The following TPST1 variants were observed in gnomAD, a reference collection of about 807,000 sequenced individuals.
TPST1 encodes protein-tyrosine sulfotransferase 1.
Under a neutral mutation model 34.8 loss-of-function variants are expected in TPST1, and 20 were observed. That is an observed-to-expected ratio of 0.57 (90% confidence interval 0.40 to 0.84). The LOEUF (loss-of-function observed/expected upper bound fraction) is 0.84. TPST1 is among the 40% of genes least tolerant of loss of function. The probability of loss-of-function intolerance (pLI) is 0.00; values close to 1 mark genes in which losing one functional copy is unlikely to be tolerated. For missense variants in TPST1, 353 were observed against 455.5 expected, an observed-to-expected ratio of 0.78 and a Z score of 2.05; for synonymous variants, 152 against 159.4, an observed-to-expected ratio of 0.95 and a Z score of 0.35.
intron 2 of TPST1, among the ~76,000 whole-genome samples, chr7:66,278,587 A>G (rs1790868136): frequency 6.6e-6 from 1 of 152,148 alleles, no homozygotes; most frequent in Non-Finnish European, 1.5e-5. Flanking sequence ...GATTGAGACC[A>G]TCCTAGCTAA....
intron 2 of TPST1, among the ~76,000 whole-genome samples, chr7:66,271,607 G>A (rs1790706796): frequency 6.6e-6 from 1 of 152,114 alleles, no homozygotes; most frequent in African/African-American, 2.4e-5. Context: ...CTGCATATAA[G>A]TGAGATCATA....
At chr7:66,319,494 T>A (rs1318447837) in intron 3 of TPST1, among the ~76,000 whole-genome samples, 2 of 152,250 alleles carry the variant, frequency 1.3e-5, no homozygotes, top group South Asian at 2.1e-4. Flanking sequence ...GTCTTCATTG[T>A]CAGCCTGCTG....
chr7:66,360,115 G>A lies in TPST1; in HGVS notation c.*250G>A. 2.9e-6 allele frequency: 1 copy of A among 345,630 alleles called. No individual in the cohort carries two copies. Among genetic ancestry groups the A allele is most frequent in the South Asian group, 2.2e-5 (1 of 44,922 alleles). 21.4% of individuals were successfully genotyped at this position (345,630 alleles called of 1,614,324 possible). A position where few individuals can be genotyped will look rare whatever the true frequency, so the allele number is the denominator to read the frequency against. ...ATTTCATGCACAGCCCTGCAGTAAG[G>A]AGCCCAGAAGGAACATGTGTTTCCT... On this transcript the variant is annotated 3_prime_UTR_variant, in exon 6 of 6. Coordinates refer to ENST00000304842, the MANE Select transcript of TPST1 (RefSeq NM_003596.4).
intron 1 of TPST1, among the ~76,000 whole-genome samples, chr7:66,224,102 C>T (rs1789600760): frequency 6.6e-6 from 1 of 152,100 alleles, no homozygotes; most frequent in South Asian, 2.1e-4. Flanking sequence ...CTGGTGCCAG[C>T]CCCTAACGTG....
chr7:66,342,664 G>A (rs1792261529), intron 3 of TPST1, among the ~76,000 whole-genome samples: 1 of 152,082 alleles, frequency 6.6e-6, no homozygotes, highest in African/African-American at 2.4e-5. Context: ...TTCCCTTATG[G>A]TGGAACACAA....
chr7:66,248,644 C>T (rs530655159), intron 2 of TPST1, among the ~76,000 whole-genome samples: 4 of 151,464 alleles, frequency 2.6e-5, no homozygotes, highest in Non-Finnish European at 5.9e-5. Flanking sequence ...GCTGGGATTG[C>T]AGGTGCGTGC....
chr7:66,328,904 A>ATTTT lies in TPST1; in HGVS notation c.1045-23600_1045-23599insTTTT, dbSNP rs1350334573. ...TCTCTCTCTATATATATATATATAT[A>ATTTT]TATTTTTTTTTTTTTTTTTTTTTTT... On this transcript the variant is annotated intron_variant, in intron 3 of 5. Transcript: ENST00000304842. 4.1e-3 allele frequency among the ~76,000 whole-genome samples: 107 copies of ATTTT among 25,984 alleles called. 2 individuals carry two copies. Among genetic ancestry groups the ATTTT allele is most frequent in the East Asian group, 5.2e-3 (5 of 966 alleles). The allele number at this position is 25,984 out of a possible 152,430, so 17.0% of individuals were successfully genotyped here.
intron 1 of TPST1, among the ~76,000 whole-genome samples, chr7:66,233,571 T>A (rs984393403): frequency 6.6e-6 from 1 of 152,236 alleles, no homozygotes; most frequent in African/African-American, 2.4e-5. Context: ...TTTATGCCAG[T>A]ACTACATTGT....
intron 3 of TPST1, among the ~76,000 whole-genome samples, chr7:66,327,135 A>T (rs1284191175): frequency 6.6e-6 from 1 of 152,202 alleles, no homozygotes; most frequent in East Asian, 1.9e-4. Flanking sequence ...ATGTGAAACT[A>T]TCAAGTCATA....
intron 3 of TPST1, among the ~76,000 whole-genome samples, chr7:66,302,572 A>G (rs1791340155): frequency 6.6e-6 from 1 of 152,172 alleles, no homozygotes; most frequent in South Asian, 2.1e-4. Flanking sequence ...TCTCACTAAA[A>G]GTTTGGCTTG....
intron 3 of TPST1, among the ~76,000 whole-genome samples, chr7:66,335,643 T>C (rs1024963040): frequency 6.6e-6 from 1 of 152,090 alleles, no homozygotes; most frequent in Non-Finnish European, 1.5e-5. Context: ...TGCAGTGTTT[T>C]GAACGGCAGG....
intron 1 of TPST1, among the ~76,000 whole-genome samples, chr7:66,226,994 T>G (rs1437136705): frequency 1.3e-5 from 2 of 150,418 alleles, no homozygotes; most frequent in Non-Finnish European, 3.0e-5. Context: ...CGGAGAAATT[T>G]AACACAGTTT....
intron 4 of TPST1, among the ~76,000 whole-genome samples, chr7:66,353,824 C>T: frequency 6.6e-6 from 1 of 152,206 alleles, no homozygotes; most frequent in Admixed American, 6.5e-5. Context: ...AACAGCACCT[C>T]AGAGACTTGT....
At chr7:66,270,184 C>A (rs753115213) in intron 2 of TPST1, among the ~76,000 whole-genome samples, 4 of 152,098 alleles carry the variant, frequency 2.6e-5, no homozygotes, top group Non-Finnish European at 4.4e-5. Flanking sequence ...CAAGAGACCA[C>A]GCCTGGCCTA....
chr7:66,255,807 G>T (rs1790371694), intron 2 of TPST1, among the ~76,000 whole-genome samples: 1 of 151,938 alleles, frequency 6.6e-6, no homozygotes, highest in Non-Finnish European at 1.5e-5. Context: ...GTACTTAGTG[G>T]TCATTGTACT....
chr7:66,211,350 C>T (rs1458909603), intron 1 of TPST1, among the ~76,000 whole-genome samples: 5 of 152,118 alleles, frequency 3.3e-5, no homozygotes, highest in East Asian at 1.9e-4. Context: ...AGGCTGGTCT[C>T]GAACTCCTGA....
chr7:66,219,216 C>T (rs1789490056), intron 1 of TPST1, among the ~76,000 whole-genome samples: 1 of 151,978 alleles, frequency 6.6e-6, no homozygotes, highest in Admixed American at 6.6e-5. Flanking sequence ...GGTTTCTGAT[C>T]AAATATTTGA....
intron 2 of TPST1, among the ~76,000 whole-genome samples, chr7:66,247,976 G>T (rs1402374881): frequency 2.6e-5 from 4 of 152,144 alleles, no homozygotes; most frequent in African/African-American, 9.7e-5. Context: ...CATGGTGTTT[G>T]TTTCCCATAG....
intron 3 of TPST1, among the ~76,000 whole-genome samples, chr7:66,345,880 T>C (rs1323025908): frequency 1.3e-5 from 2 of 152,178 alleles, no homozygotes; most frequent in Non-Finnish European, 2.9e-5. Flanking sequence ...AATTATTGAC[T>C]GTAGTCGCCG....
Sources: allele counts gnomAD v4.1 joint callset (sites outside exome capture counted in the v4.1 genomes callset), GRCh38; gene constraint gnomAD v4.1.1; transcripts MANE v1.5; gene names NCBI Gene and HGNC (gene_info 2026-07-23, HGNC 2026-07-21).